The following CNBD2 variants were observed in gnomAD, a reference collection of about 807,000 sequenced individuals.
The protein encoded by CNBD2 is cyclic nucleotide binding domain containing 2.
CNBD2 carries 64 observed loss-of-function variants against 63.7 expected under a neutral mutation model. That is an observed-to-expected ratio of 1.00 (90% CI 0.82 to 1.24). The LOEUF is 1.24. Ranked by LOEUF, CNBD2 falls within the 50% of genes most tolerant of loss-of-function variation. The pLI is 0.00. For missense variants in CNBD2, 691 were observed against 713.5 expected (o/e 0.97, Z 0.36); for synonymous variants, 229 against 255.4 (o/e 0.90, Z 0.99).
intron 2 of CNBD2, among the ~76,000 whole-genome samples, chr20:35,975,297 G>C (rs57114013): frequency 2.1e-5 from 2 of 95,692 alleles, no homozygotes; most frequent in South Asian, 5.9e-4. Flanking sequence ...CACCGCGCCC[G>C]GCCTCTTTTT....
At chr20:35,984,884 T>C (rs1297687111) in intron 6 of CNBD2, 106 bp downstream of exon 6, 13 of 1,187,500 alleles carry the variant, frequency 1.1e-5, no homozygotes, top group Non-Finnish European at 1.4e-5. Context: ...CTGTTCTCTC[T>C]GTCTGGGATG....
At chr20:36,022,175 C>T (rs1418259085) in intron 10 of CNBD2, among the ~76,000 whole-genome samples, 1 of 138,754 alleles carries the variant, frequency 7.2e-6, no homozygotes, top group African/African-American at 2.9e-5. Flanking sequence ...TCACCATGCC[C>T]GGCTAATTCT....
At chr20:35,994,226 C>T (rs111601124) in intron 7 of CNBD2, among the ~76,000 whole-genome samples, 5,413 of 151,996 alleles carry the variant, frequency 0.036, 333 homozygotes, top group African/African-American at 0.12. Context: ...CCACCACACC[C>T]GGCTAATTTT....
chr20:35,968,672 T>G lies in CNBD2; in HGVS notation c.-91T>G. 1 of 907,004 alleles carries G rather than the reference T, an allele frequency of 1.1e-6. No homozygotes were observed. The highest frequency in any genetic ancestry group is 1.8e-6 in the Non-Finnish European group (1 of 568,784). The allele number at this position is 907,004 out of a possible 1,614,324, so 56.2% of individuals were successfully genotyped here. ...CTTGTTACTGAGGAAATCTATTTGT[T>G]TCTAGTATTACTGGATTTTTGGGGA... On this transcript the variant is annotated 5_prime_UTR_variant, in exon 1 of 12. Transcript: ENST00000373973.
chr20:35,985,009 G>A (rs934106674), intron 6 of CNBD2, among the ~76,000 whole-genome samples: 3 of 151,996 alleles, frequency 2.0e-5, no homozygotes, highest in South Asian at 4.2e-4. Flanking sequence ...TAGCTAACAC[G>A]GGACTGGGCA....
downstream of CNBD2, among the ~76,000 whole-genome samples, chr20:35,959,759 GATTA>G (rs1224364375): frequency 6.6e-6 from 1 of 152,190 alleles, no homozygotes; most frequent in East Asian, 1.9e-4. Context: ...GGTCTAGAGA[GATTA>G]ATTAACTTGC....
intron 9 of CNBD2, among the ~76,000 whole-genome samples, chr20:36,008,748 A>T (rs939013594): frequency 2.6e-5 from 4 of 152,136 alleles, no homozygotes; most frequent in Non-Finnish European, 5.9e-5. Context: ...GGGGCTGGAC[A>T]TATCTTCTGG....
At chr20:35,969,737 A>G (rs2056386437) in intron 1 of CNBD2, among the ~76,000 whole-genome samples, 1 of 152,198 alleles carries the variant, frequency 6.6e-6, no homozygotes, top group Non-Finnish European at 1.5e-5. Context: ...GTTTTCAGCC[A>G]TTCACTGTTA....
chr20:36,001,890 A>G (rs1235329067), intron 8 of CNBD2, among the ~76,000 whole-genome samples: 79 of 147,786 alleles, frequency 5.3e-4, no homozygotes, highest in Non-Finnish European at 7.6e-4. Context: ...GCGGCCGGGC[A>G]GAGACGCTCC....
rs749363123 is a variant in CNBD2 at position 36,030,420 on chromosome 20, G to A, written c.1503G>A (p.Leu501=). ...QNSWNIFRKD[L]LQLLVEPCQS... ...GCTGGAATATCTTTCGGAAGGACCT[G>A]TTGCAGCTGCTCGTGGAGCCTTGCC... Residue 501 remains leucine, a synonymous_variant, in exon 12 of 12, where the codon CTG becomes CTA. Coordinates refer to ENST00000373973, the MANE Select transcript of CNBD2 (RefSeq NM_001365709.1). 3 of 1,614,156 alleles carry A rather than the reference G, an allele frequency of 1.9e-6. No individual in the cohort carries two copies. The South Asian group carries it at 3.3e-5, about 18-fold the overall frequency.
At chr20:35,996,316 C>T (rs1276774813) in intron 8 of CNBD2, among the ~76,000 whole-genome samples, 1 of 152,112 alleles carries the variant, frequency 6.6e-6, no homozygotes, top group Non-Finnish European at 1.5e-5. Context: ...AATGGATAAA[C>T]ATATTTTGGC....
intron 4 of CNBD2, 119 bp from the exon 5 acceptor site, chr20:35,983,863 C>G: frequency 8.5e-7 from 1 of 1,181,418 alleles, no homozygotes; most frequent in South Asian, 1.4e-5. Context: ...GAGGGCCCTT[C>G]TGGTCCAAGT....
chr20:36,011,911 A>G (rs2147333816), intron 10 of CNBD2, among the ~76,000 whole-genome samples: 1 of 152,302 alleles, frequency 6.6e-6, no homozygotes, highest in East Asian at 1.9e-4. Context: ...TAGCCCCAGC[A>G]CTTTGGGAGG....
chr20:35,996,633 G>A (rs1014199556), intron 8 of CNBD2, among the ~76,000 whole-genome samples: 9 of 150,958 alleles, frequency 6.0e-5, no homozygotes, highest in Non-Finnish European at 1.2e-4. Flanking sequence ...TCAGCATCCC[G>A]AGCAGCTGGG....
intron 2 of CNBD2, among the ~76,000 whole-genome samples, chr20:35,963,244 G>A (rs1453054366): frequency 6.6e-6 from 1 of 151,884 alleles, no homozygotes; most frequent in African/African-American, 2.4e-5. Context: ...GGAGGCTGAG[G>A]TGAGAGGATC....
intron 10 of CNBD2, among the ~76,000 whole-genome samples, chr20:36,018,533 T>C (rs2057165551): frequency 6.6e-6 from 1 of 152,196 alleles, no homozygotes. Context: ...AGGCCCTGGC[T>C]TCAGCTGTAG....
At chr20:35,971,028 A>G (rs1276088697) in intron 1 of CNBD2, among the ~76,000 whole-genome samples, 1 of 148,488 alleles carries the variant, frequency 6.7e-6, no homozygotes, top group African/African-American at 2.5e-5. Flanking sequence ...GCTCACTGCA[A>G]GCTCCGCCTC....
chr20:35,995,204 T>G (rs2056808905), intron 8 of CNBD2, 52 bp downstream of exon 8: 1 of 1,247,052 alleles, frequency 8.0e-7, no homozygotes, highest in African/African-American at 1.5e-5. Flanking sequence ...CCTGTCCTGT[T>G]TCCAGTTCCC....
intron 7 of CNBD2, among the ~76,000 whole-genome samples, chr20:35,993,160 A>C: frequency 6.6e-6 from 1 of 152,174 alleles, no homozygotes; most frequent in East Asian, 1.9e-4. Flanking sequence ...AAAAAGAAAA[A>C]AAAAAGTATG....
Sources: allele counts gnomAD v4.1 joint callset (sites outside exome capture counted in the v4.1 genomes callset), GRCh38; gene constraint gnomAD v4.1.1; transcripts MANE v1.5; gene names NCBI Gene and HGNC (gene_info 2026-07-23, HGNC 2026-07-21).